SHC2: variants seen among roughly 807,000 people sequenced by gnomAD.
SHC2 encodes SHC adaptor protein 2, also known as SHC-transforming protein 2.
SHC2 carries 62 observed loss-of-function variants against 60.6 expected under a neutral mutation model. The ratio of observed to expected loss-of-function variants is 1.02; its 90% CI spans 0.83 to 1.26. The LOEUF (loss-of-function observed/expected upper bound fraction) is 1.26, where lower values mean the gene tolerates loss of function less well. Among genes scored for constraint, SHC2 ranks in the 50% most tolerant of loss-of-function variants. The pLI is 0.00. For synonymous variants in SHC2, 375 were observed against 372.4 expected (o/e 1.01, Z -0.08); for missense variants, 873 against 822.2 (o/e 1.06, Z -0.76).
In SHC2 at chr19:438,809, A is replaced by G; in HGVS notation, c.629T>C (p.Leu210Pro). 3 of 1,573,282 alleles carry G rather than the reference A, an allele frequency of 1.9e-6. No individual in the cohort carries two copies. The highest frequency in any genetic ancestry group is 2.6e-6 in the Non-Finnish European group (3 of 1,160,580). ...KAPNKALASVLGKSNLRFAGM... is the reference protein window; with the variant it reads ...KAPNKALASVPGKSNLRFAGM... ...GGCAAAGCGAAGGTTGCTCTTGCCC[A>G]GGACGGACGCCAGGGCCTTGTTGGG... Residue 210 changes from leucine to proline, a missense_variant, in exon 4 of 13, where the codon CTG (leucine) becomes CCG (proline). Coordinates refer to ENST00000264554, the MANE Select transcript of SHC2 (RefSeq NM_012435.3). The surrounding 1 kb of genome is among the most constrained non-coding windows in gnomAD (Gnocchi z 5.0).
intron 8 of SHC2, among the ~76,000 whole-genome samples, chr19:434,106 T>G (rs1268282437): frequency 2.7e-4 from 19 of 70,074 alleles, no homozygotes; most frequent in African/African-American, 4.9e-4. Flanking sequence ...GTGAGTGAGA[T>G]CGTGAGTGAG....
chr19:421,544 C>T (rs956043436), intron 11 of SHC2, among the ~76,000 whole-genome samples: 4 of 152,126 alleles, frequency 2.6e-5, no homozygotes, highest in African/African-American at 7.2e-5. Context: ...TGTACACCCT[C>T]AAATAAATTA....
At chr19:456,502 G>A (rs1190087860) in intron 1 of SHC2, among the ~76,000 whole-genome samples, 1 of 152,088 alleles carries the variant, frequency 6.6e-6, no homozygotes, top group Non-Finnish European at 1.5e-5. Flanking sequence ...TCCTCCCTCA[G>A]CAACACTTCC....
At chr19:418,856 ATTT>A in intron 12 of SHC2, 64 bp downstream of exon 12, 1 of 1,519,480 alleles carries the variant, frequency 6.6e-7, no homozygotes, top group South Asian at 1.2e-5. Flanking sequence ...CCGGGTCTCA[ATTT>A]TCAAATCAGA....
At chr19:449,693 G>A (rs547221945) in intron 1 of SHC2, among the ~76,000 whole-genome samples, 244 of 152,140 alleles carry the variant, frequency 1.6e-3, no homozygotes, top group African/African-American at 5.8e-3. Context: ...CCCGGGAGGC[G>A]GAGGTTGCAA....
chr19:421,256 C>T (rs1289906919), intron 11 of SHC2, among the ~76,000 whole-genome samples: 4 of 151,622 alleles, frequency 2.6e-5, no homozygotes, highest in South Asian at 2.1e-4. Context: ...AAAAATTAGC[C>T]GGGCGTGGTG....
intron 12 of SHC2, among the ~76,000 whole-genome samples, chr19:417,927 A>C (rs1487888191): frequency 6.6e-6 from 1 of 152,114 alleles, no homozygotes; most frequent in Non-Finnish European, 1.5e-5. Flanking sequence ...GACCTGGCCC[A>C]GAAGCGCAGC....
Position 422,087 on chromosome 19 carries a change from ACCT to A in SHC2, c.1620+56_1620+58del. 8.9e-7 allele frequency: 1 copy of A among 1,123,952 alleles called. No individual in the cohort carries two copies. The highest frequency in any genetic ancestry group is 1.2e-6 in the Non-Finnish European group (1 of 802,688). 69.6% of individuals were successfully genotyped at this position (1,123,952 alleles called of 1,614,324 possible). The stretch of plus-strand genomic sequence containing the variant: ...CCCCTGGATGCCCCGAGACCCTCCC[ACCT>A]GTGCCCAGCGAAGCCCCTGGATGCC... On this transcript the variant is annotated intron_variant, in intron 11 of 12. Coordinates refer to ENST00000264554, the MANE Select transcript of SHC2 (RefSeq NM_012435.3). The surrounding 1 kb of genome is among the most constrained non-coding windows in gnomAD (Gnocchi z 5.0).
intron 6 of SHC2, 36 bp downstream of exon 6, chr19:436,344 C>A: frequency 6.3e-7 from 1 of 1,596,010 alleles, no homozygotes. Flanking sequence ...TGCCCCCCAG[C>A]CACAGGACCC....
chr19:437,966 A>G (rs779064975), intron 4 of SHC2, among the ~76,000 whole-genome samples: 8 of 151,816 alleles, frequency 5.3e-5, no homozygotes, highest in Non-Finnish European at 8.8e-5. Flanking sequence ...TATTTCCTCT[A>G]TTTCTGCAAT....
intron 1 of SHC2, among the ~76,000 whole-genome samples, chr19:458,143 C>T (rs185574988): frequency 1.4e-4 from 20 of 138,852 alleles, no homozygotes; most frequent in African/African-American, 5.2e-4. Context: ...AAGTGGGTTC[C>T]GGGGAGACGG....
intron 1 of SHC2, among the ~76,000 whole-genome samples, chr19:458,638 CGGAAGCCGGTCTTGG>C (rs1975446482): frequency 1.2e-5 from 1 of 82,368 alleles, no homozygotes; most frequent in Non-Finnish European, 2.5e-5. Flanking sequence ...TCCGGGGAGG[CGGAAGCCGGTCTTGG>C]GGAGGCGGAA....
At chr19:452,851 G>C (rs911866798) in intron 1 of SHC2, among the ~76,000 whole-genome samples, 1 of 152,206 alleles carries the variant, frequency 6.6e-6, no homozygotes, top group African/African-American at 2.4e-5. Context: ...GGTCTGGGGT[G>C]GGGCTCGAGA....
chr19:459,420 G>GGGGGAAGGACCCCACTGAACCCAGCGTAA, intron 1 of SHC2, among the ~76,000 whole-genome samples: 1 of 146,050 alleles, frequency 6.8e-6, no homozygotes, highest in East Asian at 2.1e-4. Flanking sequence ...ACCCAGCGTA[G>GGGGGAAGGACCCCACTGAACCCAGCGTAA]GGGGAAGGAC....
intron 9 of SHC2, among the ~76,000 whole-genome samples, chr19:426,124 T>G (rs1974410243): frequency 6.6e-6 from 1 of 151,658 alleles, no homozygotes; most frequent in Admixed American, 6.6e-5. Context: ...CTGGACCCCA[T>G]GTGTATTCTG....
chr19:458,052 CGGGT>C (rs1975401801), intron 1 of SHC2, among the ~76,000 whole-genome samples: 3 of 124,764 alleles, frequency 2.4e-5, no homozygotes, highest in African/African-American at 5.6e-5. Flanking sequence ...GAGGCGGAAG[CGGGT>C]CTTGGGGAGG....
At position 434,689 on chromosome 19, in the gene SHC2, C is replaced by T; in HGVS notation, c.1110+20G>A. On this transcript the variant is annotated intron_variant, in intron 8 of 12. Coordinates refer to ENST00000264554, the MANE Select transcript of SHC2 (RefSeq NM_012435.3). ...AGCTGGGGCATCCCTGTCCCCATCCCCCCGAGGGCAGAGGCTGACCTGGTC... is the reference window on the plus strand; with the variant it reads ...AGCTGGGGCATCCCTGTCCCCATCCTCCCGAGGGCAGAGGCTGACCTGGTC... The T allele has an allele frequency of 6.3e-7, 1 of 1,594,646 alleles. No individual in the cohort carries two copies. Among genetic ancestry groups the T allele is most frequent in the South Asian group, 1.1e-5 (1 of 89,440 alleles).
chr19:446,692 C>T lies in SHC2; in HGVS notation c.469-5760G>A, dbSNP rs1020883817. On this transcript the variant is annotated intron_variant, in intron 1 of 12. Coordinates refer to ENST00000264554, the MANE Select transcript of SHC2 (RefSeq NM_012435.3). This position sits in a 1 kb window ranked among gnomAD's most constrained non-coding sequence, Gnocchi z 5.4. ...CACAGAAGATGGGGAGGAGCCCTGGCGGCTTCACATTCAACCTTCCCCTTT... is the reference window on the plus strand; with the variant it reads ...CACAGAAGATGGGGAGGAGCCCTGGTGGCTTCACATTCAACCTTCCCCTTT... Among the ~76,000 whole-genome samples the T allele has an allele frequency of 1.8e-4, 27 of 152,102 alleles. No homozygotes were observed. The highest frequency in any genetic ancestry group is 5.3e-4 in the African/African-American group (22 of 41,406).
chr19:451,082 C>T (rs1427465845), intron 1 of SHC2, among the ~76,000 whole-genome samples: 3 of 142,784 alleles, frequency 2.1e-5, no homozygotes, highest in Admixed American at 2.1e-4. Context: ...GTGGCCACGT[C>T]GTATTTTAGC....
Sources: gnomAD v4.1 joint callset for allele counts (sites outside exome capture counted in the v4.1 genomes callset) on GRCh38, gnomAD v4.1.1 for gene constraint, Gnocchi (gnomAD v3.1) non-coding constraint, MANE v1.5 for transcripts, NCBI Gene and HGNC (gene_info 2026-07-23, HGNC 2026-07-21) for gene names.